The following RNF13 variants were observed in gnomAD, a reference collection of about 807,000 sequenced individuals.
RNF13 encodes the protein E3 ubiquitin-protein ligase RNF13.
In RNF13, 19 loss-of-function variants were observed where a neutral mutation model predicts 37.7. That is an observed-to-expected ratio of 0.50 (90% CI 0.35 to 0.74). The LOEUF is 0.74. Among genes scored for constraint, RNF13 ranks in the 30% least tolerant of loss-of-function variants. The pLI, the probability that RNF13 is intolerant of heterozygous loss-of-function variation, is 0.01. For missense variants in RNF13, 375 were observed against 453.0 expected (o/e 0.83, Z 1.56); for synonymous variants, 144 against 157.8 (o/e 0.91, Z 0.65).
intron 4 of RNF13, among the ~76,000 whole-genome samples, chr3:149,872,622 T>C (rs942416656): frequency 5.9e-5 from 9 of 152,220 alleles, no homozygotes; most frequent in African/African-American, 2.2e-4. Flanking sequence ...TCTAGGTGTA[T>C]GGTTTTTTAA....
At chr3:149,828,351 G>A (rs1720704174) in intron 1 of RNF13, among the ~76,000 whole-genome samples, 1 of 152,208 alleles carries the variant, frequency 6.6e-6, no homozygotes, top group Non-Finnish European at 1.5e-5. Flanking sequence ...TTCTATCAAT[G>A]TTGGCTACAG....
chr3:149,865,274 C>A (rs1724681428), intron 3 of RNF13, among the ~76,000 whole-genome samples: 1 of 149,636 alleles, frequency 6.7e-6, no homozygotes, highest in African/African-American at 2.4e-5. Flanking sequence ...GGAGCCTGTG[C>A]AAAGGGGCTA....
chr3:149,960,129 T>G lies in RNF13; in HGVS notation c.774T>G (p.Cys258Trp). 1 of 1,600,254 alleles carries G rather than the reference T, an allele frequency of 6.2e-7. No homozygotes were observed. Among genetic ancestry groups the G allele is most frequent in the Non-Finnish European group, 8.6e-7 (1 of 1,167,466 alleles). Reference protein sequence around the residue: ...EDGDKLRILPCSHAYHCKCVD... With the variant: ...EDGDKLRILPWSHAYHCKCVD... ...GAGACAAACTCAGAATCCTTCCCTG[T>G]TCCCATGGTATGAGTAATTACGTAC... is the stretch of plus-strand genomic sequence containing the variant. The change falls in exon 9 of 10, where the codon TGT (cysteine) becomes TGG (tryptophan). Residue 258 changes from cysteine (C) to tryptophan (W), a missense_variant. Coordinates refer to ENST00000392894, the MANE Select transcript of RNF13 (RefSeq NM_183381.3).
intron 8 of RNF13, among the ~76,000 whole-genome samples, chr3:149,953,610 G>T (rs1170290661): frequency 6.6e-6 from 1 of 152,160 alleles, no homozygotes; most frequent in Non-Finnish European, 1.5e-5. Flanking sequence ...ATATTTAAAT[G>T]TGACCAAAAA....
chr3:149,906,195 T>C (rs1037994274), intron 6 of RNF13, among the ~76,000 whole-genome samples: 16 of 152,264 alleles, frequency 1.1e-4, no homozygotes, highest in African/African-American at 3.9e-4. Context: ...CTTTCCATTG[T>C]ATGGATATAC....
intron 8 of RNF13, chr3:149,939,005 C>A: frequency 2.1e-6 from 1 of 476,128 alleles, no homozygotes; most frequent in South Asian, 1.7e-5. Context: ...GAGACTTCCT[C>A]CACTGCCAGA....
chr3:149,869,106 C>T (rs1323921725), intron 3 of RNF13, among the ~76,000 whole-genome samples: 1 of 151,480 alleles, frequency 6.6e-6, no homozygotes, highest in East Asian at 1.9e-4. Flanking sequence ...CTTTCTTCTC[C>T]TTGATCCATT....
At chr3:149,894,034 G>A (rs1053395697) in intron 4 of RNF13, 23 of 152,098 alleles carry the variant, frequency 1.5e-4, no homozygotes, top group African/African-American at 4.6e-4. Flanking sequence ...TAAAAAGTAC[G>A]TTTAATTGAT....
rs550968659 is a variant in RNF13 at position 149,832,466 on chromosome 3, A to G, written c.-16-13545A>G. ...TACTGTGATGCTTGGGAAATTTTCA[A>G]ATTTTTCAGTGACCAGCATTAGACA... is the stretch of plus-strand genomic sequence containing the variant. On this transcript the variant is annotated intron_variant, in intron 1 of 9. Coordinates refer to ENST00000392894, the MANE Select transcript of RNF13 (RefSeq NM_183381.3). Among the ~76,000 whole-genome samples the G allele has an allele frequency of 1.8e-3, 267 of 152,276 alleles. 1 individual carries two copies. Among genetic ancestry groups the G allele is most frequent in the African/African-American group, 6.1e-3 (253 of 41,544 alleles).
intron 1 of RNF13, among the ~76,000 whole-genome samples, chr3:149,815,986 G>A (rs905092912): frequency 2.6e-5 from 4 of 151,882 alleles, no homozygotes; most frequent in Admixed American, 6.6e-5. Flanking sequence ...TCGACCTCCC[G>A]TGCTCAAGGG....
intron 7 of RNF13, among the ~76,000 whole-genome samples, chr3:149,913,666 G>C (rs76065468): frequency 0.032 from 4,847 of 152,150 alleles, 90 homozygotes; most frequent in Non-Finnish European, 0.036. Context: ...TTGAGTACTA[G>C]CCAGGTATCC....
At chr3:149,887,132 G>A (rs1033812793) in intron 4 of RNF13, among the ~76,000 whole-genome samples, 2 of 152,118 alleles carry the variant, frequency 1.3e-5, no homozygotes, top group African/African-American at 4.8e-5. Context: ...CCGCTTCCCG[G>A]CAGCAACCAC....
At chr3:149,814,419 T>G (rs1418917603) in intron 1 of RNF13, 3 of 152,164 alleles carry the variant, frequency 2.0e-5, no homozygotes, top group Admixed American at 2.0e-4. Flanking sequence ...AACTGGACAG[T>G]GATAGCAATT....
chr3:149,856,119 C>CAA (rs749411979), intron 3 of RNF13, among the ~76,000 whole-genome samples: 7 of 116,294 alleles, frequency 6.0e-5, no homozygotes, highest in Non-Finnish European at 9.2e-5. Context: ...ACTGCCTGAC[C>CAA]AAAAAAAAAA....
chr3:149,936,873 TTC>T (rs746514479), intron 8 of RNF13, among the ~76,000 whole-genome samples: 4 of 152,304 alleles, frequency 2.6e-5, no homozygotes, highest in South Asian at 4.1e-4. Flanking sequence ...GTTTGTTGCA[TTC>T]TCTTAGACTT....
At position 149,917,820 on chromosome 3, in the gene RNF13, A is replaced by T. The variant is rs115476965; in HGVS notation, c.607-3314A>T. On this transcript the variant is annotated intron_variant, in intron 7 of 9. Transcript: ENST00000392894. ...TGTGAAGTGCAGTTCTATGTCCATTAGTTCGAACTTGTGAATTTGTTTTGT... is the reference window on the plus strand; with the variant it reads ...TGTGAAGTGCAGTTCTATGTCCATTTGTTCGAACTTGTGAATTTGTTTTGT... Among the ~76,000 whole-genome samples the T allele has an allele frequency of 4.8e-3, 728 of 152,262 alleles. 2 individuals are homozygous for T. The highest frequency in any genetic ancestry group is 0.017 in the African/African-American group (702 of 41,572).
intron 5 of RNF13, among the ~76,000 whole-genome samples, 193 bp from the exon 6 acceptor site, chr3:149,901,879 G>C (rs1442764343): frequency 1.3e-5 from 2 of 152,084 alleles, no homozygotes; most frequent in African/African-American, 4.8e-5. Flanking sequence ...CAAAATGTTA[G>C]CTTTGTTACT....
At chr3:149,833,118 C>CTCTTTTTTTTTTTT (rs1306537184) in intron 1 of RNF13, among the ~76,000 whole-genome samples, 1 of 111,878 alleles carries the variant, frequency 8.9e-6, no homozygotes, top group Non-Finnish European at 1.7e-5. Flanking sequence ...CTCTCTCTCT[C>CTCTTTTTTTTTTTT]TTTTTTTTTT....
intron 7 of RNF13, among the ~76,000 whole-genome samples, chr3:149,919,789 T>C (rs1393860960): frequency 6.6e-6 from 1 of 152,192 alleles, no homozygotes; most frequent in African/African-American, 2.4e-5. Context: ...ACAGGATAAA[T>C]GTGTGTTTAG....
Sources: gnomAD v4.1 joint callset for allele counts (sites outside exome capture counted in the v4.1 genomes callset) on GRCh38, gnomAD v4.1.1 for gene constraint, MANE v1.5 for transcripts, NCBI Gene and HGNC (gene_info 2026-07-23, HGNC 2026-07-21) for gene names.